Variants in TDRD6 observed in about 807,000 individuals in gnomAD.
The protein encoded by TDRD6 is tudor domain containing 6.
Under a neutral mutation model 157.5 loss-of-function variants are expected in TDRD6, and 186 were observed. That is an observed-to-expected ratio of 1.18 (90% CI 1.05 to 1.33). The LOEUF (loss-of-function observed/expected upper bound fraction) is 1.33, where lower values mean the gene tolerates loss of function less well. Ranked by LOEUF, TDRD6 falls within the 40% of genes most tolerant of loss-of-function variation. The pLI is 0.00. For synonymous variants in TDRD6, 1,075 were observed against 945.2 expected, an observed-to-expected ratio of 1.14 and a Z score of -2.52; for missense variants, 3,066 against 2,508.0, an observed-to-expected ratio of 1.22 and a Z score of -4.75.
At chr6:46,680,443 A>G in the TDRD6 span, among the ~76,000 whole-genome samples, 7 of 152,198 alleles carry the variant, frequency 4.6e-5, no homozygotes, top group African/African-American at 1.7e-4. Flanking sequence ...TAAAAATGTC[A>G]TTAGGATTCT....
At chr6:46,697,152 T>C (rs1045210443) in intron 2 of TDRD6, among the ~76,000 whole-genome samples, 1 of 152,176 alleles carries the variant, frequency 6.6e-6, no homozygotes, top group African/African-American at 2.4e-5. Context: ...ACATCAAAAT[T>C]CTTGACTTCT....
chr6:46,691,107 G>A lies in TDRD6; in HGVS notation c.2979G>A (p.Thr993=), dbSNP rs760930520. 6.8e-6 allele frequency: 11 copies of A among 1,613,726 alleles called. No individual in the cohort carries two copies. The highest frequency in any genetic ancestry group is 1.6e-4 in the Middle Eastern group (1 of 6,082). Reference sequence around the variant, plus strand: ...GAAGTGAAGAATTAGTTTATATAACGCATATTGATGACCCTTGGACATTTT... The same window carrying A: ...GAAGTGAAGAATTAGTTTATATAACACATATTGATGACCCTTGGACATTTT... ...KIGSEELVYI[T]HIDDPWTFYC... Residue 993 remains threonine (T), a synonymous_variant, in exon 1 of 4, where the codon ACG becomes ACA. Transcript: ENST00000316081.
upstream of TDRD6, among the ~76,000 whole-genome samples, chr6:46,683,231 A>G (rs1764004791): frequency 6.6e-6 from 1 of 152,038 alleles, no homozygotes; most frequent in South Asian, 2.1e-4. Context: ...AGTCTTTGCA[A>G]CAAATGGCAG....
upstream of TDRD6, among the ~76,000 whole-genome samples, chr6:46,684,649 G>A (rs770042355): frequency 1.5e-4 from 22 of 151,626 alleles, no homozygotes; most frequent in African/African-American, 3.9e-4. Context: ...AAAATTCTAC[G>A]GAGAACCTTC....
At chr6:46,701,822 C>T in intron 3 of TDRD6, 36 bp from the exon 4 acceptor site, 3 of 1,610,702 alleles carry the variant, frequency 1.9e-6, no homozygotes, top group Non-Finnish European at 2.5e-6. Flanking sequence ...TTGTATGTTT[C>T]TTTCTCAGTT....
upstream of TDRD6, among the ~76,000 whole-genome samples, chr6:46,684,555 C>T (rs1385850071): frequency 1.3e-5 from 2 of 152,122 alleles, no homozygotes; most frequent in African/African-American, 4.8e-5. Context: ...AATCTTTTCT[C>T]CATCTCTATA....
chr6:46,692,920 G>T lies in TDRD6; in HGVS notation c.4792G>T (p.Val1598Leu), dbSNP rs146664883. ...CACTAATATTTGTGAAGATTATCTTGTATCTGTCAGGCTTGTGGACTTTGG... is the reference window on the plus strand; with the variant it reads ...CACTAATATTTGTGAAGATTATCTTTTATCTGTCAGGCTTGTGGACTTTGG... ...LITNICEDYLVSVRLVDFGNI... is the reference protein window; with the variant it reads ...LITNICEDYLLSVRLVDFGNI... The change falls in exon 1 of 4, where the codon GTA (valine) becomes TTA (leucine). Residue 1598 changes from valine to leucine, a missense_variant. Coordinates refer to ENST00000316081, the MANE Select transcript of TDRD6 (RefSeq NM_001010870.3). 4.0e-4 allele frequency: 650 copies of T among 1,614,078 alleles called. 5 individuals are homozygous for T. In the South Asian group the frequency reaches 6.8e-3, roughly 17 times the overall value.
chr6:46,695,945 G>GT lies in TDRD6; in HGVS notation c.6171_6171+1insT (p.Val2058CysfsTer15), dbSNP rs1426719402. 3.1e-6 allele frequency: 5 copies of GT among 1,609,826 alleles called. No homozygotes were observed. The highest frequency in any genetic ancestry group is 1.7e-5 in the Admixed American group (1 of 59,270). On this transcript the variant is annotated frameshift_variant and splice_region_variant. Transcript: ENST00000316081. LOFTEE classifies it high-confidence loss of function. The stretch of plus-strand genomic sequence containing the variant: ...TAGAAACAGCTGAAGAAGGAACAAG[G>GT]GTAAGTGATGTTTAAGTACTTTATC...
chr6:46,695,461 G>C (rs1764466064), intron 1 of TDRD6, among the ~76,000 whole-genome samples: 2 of 152,070 alleles, frequency 1.3e-5, no homozygotes, highest in Non-Finnish European at 2.9e-5. Context: ...TGATAAGAAT[G>C]TCTGCTCATT....
chr6:46,690,707 T>C lies in TDRD6; in HGVS notation c.2579T>C (p.Val860Ala), dbSNP rs761753581. 8 of 1,614,156 alleles carry C rather than the reference T, an allele frequency of 5.0e-6. 1 individual carries two copies. Among genetic ancestry groups the C allele is most frequent in the East Asian group, 4.5e-5 (2 of 44,884 alleles). The stretch of plus-strand genomic sequence containing the variant: ...GTAGATTATGGAGACAGAGAAATGG[T>C]ATCTGTGAAGAATATTTATTCAATT... ...TFVDYGDREM[V>A]SVKNIYSISE... The change falls in exon 1 of 4, where the codon GTA becomes GCA. Residue 860 changes from valine to alanine, a missense_variant. Coordinates refer to ENST00000316081, the MANE Select transcript of TDRD6 (RefSeq NM_001010870.3).
rs376508009 is a variant in TDRD6, at chr6:46,688,555, T to C, written c.427T>C (p.Ser143Pro). 35 of 1,584,394 alleles carry C rather than the reference T, an allele frequency of 2.2e-5. No homozygotes were observed. Among genetic ancestry groups the C allele is most frequent in the Admixed American group, 1.7e-5 (1 of 57,458 alleles). ...GLVPAGCGAG[S>P]GEPPQHWPAD... ...GGTGCCGGCAGGCTGCGGCGCGGGC[T>C]CAGGCGAGCCGCCGCAGCACTGGCC... is the stretch of plus-strand genomic sequence containing the variant. Residue 143 changes from serine (S) to proline (P), a missense_variant, in exon 1 of 4, where the codon TCA becomes CCA. Ser to Pro is a moderately conservative substitution (Grantham distance 74). Coordinates refer to ENST00000316081, the MANE Select transcript of TDRD6 (RefSeq NM_001010870.3).
chr6:46,688,788 G>A lies in TDRD6; in HGVS notation c.660G>A (p.Val220=). 1.9e-6 allele frequency: 3 copies of A among 1,610,162 alleles called. No homozygotes were observed. In the South Asian group the frequency reaches 3.3e-5, roughly 18 times the overall value. Residue 220 remains valine (V), a synonymous_variant, in exon 1 of 4, where the codon GTG becomes GTA. Coordinates refer to ENST00000316081, the MANE Select transcript of TDRD6 (RefSeq NM_001010870.3). ...ATCTCACAGCGGCCACTGCTAGCGT[G>A]GGCTCCGGGGTCCCGGTTCTCTCGC... The part of the protein sequence containing the change: ...ERYLTAATAS[V]GSGVPVLSRV...
At chr6:46,686,539 C>T (rs763362395), upstream of TDRD6, among the ~76,000 whole-genome samples, 1 of 148,338 alleles carries the variant, frequency 6.7e-6, no homozygotes, top group Non-Finnish European at 1.5e-5. Flanking sequence ...CACGAGGAAA[C>T]GACGTTTGAG....
Position 46,702,411 on chromosome 6 carries a change from A to G in TDRD6, c.*524A>G, listed in dbSNP as rs990497167. On this transcript the variant is annotated 3_prime_UTR_variant, in exon 4 of 4. Transcript: ENST00000316081. Reference sequence around the variant, plus strand: ...AGATTTGAATAAAGTTTATCCTTAAATAAAGTTTATCCTTAATATGATGGT... The same window carrying G: ...AGATTTGAATAAAGTTTATCCTTAAGTAAAGTTTATCCTTAATATGATGGT... The G allele has an allele frequency of 6.6e-6, 1 of 152,188 alleles. No individual in the cohort carries two copies. The highest frequency in any genetic ancestry group is 3.2e-3 in the Middle Eastern group (1 of 316). 9.4% of individuals were successfully genotyped at this position (152,188 alleles called of 1,614,324 possible).
At chr6:46,696,338 A>G (rs1463187262) in intron 2 of TDRD6, among the ~76,000 whole-genome samples, 2 of 151,328 alleles carry the variant, frequency 1.3e-5, no homozygotes, top group Non-Finnish European at 2.9e-5. Context: ...GTCAGGGTGA[A>G]GTTTGTAAAA....
rs760565982 is a variant in TDRD6, at chr6:46,691,645, C to G, written c.3517C>G (p.Leu1173Val). The change falls in exon 1 of 4, where the codon CTC becomes GTC. Residue 1173 changes from leucine (L) to valine (V), a missense_variant. Leu to Val is a conservative substitution (Grantham distance 32). Coordinates refer to ENST00000316081, the MANE Select transcript of TDRD6 (RefSeq NM_001010870.3). The part of the protein sequence containing the change: ...DRIRKKESEV[L>V]CSTTETLEEK... ...AATAAGAAAAAAAGAAAGTGAAGTCCTCTGTTCTACAACTGAAACTCTTGA... is the reference window on the plus strand; with the variant it reads ...AATAAGAAAAAAAGAAAGTGAAGTCGTCTGTTCTACAACTGAAACTCTTGA... The G allele has an allele frequency of 1.9e-6, 3 of 1,612,912 alleles. No individual in the cohort carries two copies. Among genetic ancestry groups the G allele is most frequent in the African/African-American group, 2.7e-5 (2 of 74,828 alleles).
chr6:46,694,088 C>G lies in TDRD6; in HGVS notation c.5960C>G (p.Ala1987Gly). 6.2e-7 allele frequency: 1 copy of G among 1,611,300 alleles called. No individual in the cohort carries two copies. Among genetic ancestry groups the G allele is most frequent in the Non-Finnish European group, 8.5e-7 (1 of 1,178,808 alleles). Reference protein sequence around the residue: ...EEFVEYKNRDAISALMPLFSE... With the variant: ...EEFVEYKNRDGISALMPLFSE... ...TTTGTAGAGTATAAAAACAGGGATG[C>G]CATTTCGGCATTGATGCCTTTGTTC... The change falls in exon 1 of 4, where the codon GCC becomes GGC. Residue 1987 changes from alanine to glycine, a missense_variant. Physicochemically the swap from Ala to Gly is moderately conservative, Grantham distance 60. Coordinates refer to ENST00000316081, the MANE Select transcript of TDRD6 (RefSeq NM_001010870.3).
At chr6:46,683,322 T>C (rs1371518044), upstream of TDRD6, among the ~76,000 whole-genome samples, 2 of 152,008 alleles carry the variant, frequency 1.3e-5, no homozygotes, top group South Asian at 2.1e-4. Flanking sequence ...AAATGAATCA[T>C]AGACCTAAAT....
At position 46,691,803 on chromosome 6, in the gene TDRD6, AC is replaced by A. The variant is rs1764332727; in HGVS notation, c.3676del (p.Leu1226PhefsTer5). On this transcript the variant is annotated frameshift_variant, in exon 1 of 4. Coordinates refer to ENST00000316081, the MANE Select transcript of TDRD6 (RefSeq NM_001010870.3). LOFTEE classifies it high-confidence loss of function. ...TCAACTCATCATACAAGGAACTCAA[AC>A]TTTTACAAAGTTTAACAAAAACAAA... The part of the protein sequence containing the change: ...QINSSYKELK[L>X]LQSLTKTNLV... The A allele has an allele frequency of 6.2e-7, 1 of 1,601,610 alleles. No individual in the cohort carries two copies. The highest frequency in any genetic ancestry group is 8.5e-7 in the Non-Finnish European group (1 of 1,177,066).
Sources: allele counts gnomAD v4.1 joint callset (sites outside exome capture counted in the v4.1 genomes callset), GRCh38; gene constraint gnomAD v4.1.1; transcripts MANE v1.5; gene names NCBI Gene and HGNC (gene_info 2026-07-23, HGNC 2026-07-21).